Variants in HNRNPD observed in about 807,000 individuals in gnomAD.
The protein encoded by HNRNPD is heterogeneous nuclear ribonucleoprotein D0.
A neutral mutation model predicts 47.9 loss-of-function variants in HNRNPD; 3 were observed. The ratio of observed to expected loss-of-function variants is 0.06; its 90% CI spans 0.03 to 0.16. The LOEUF is 0.16. Among genes scored for constraint, HNRNPD ranks in the 10% least tolerant of loss-of-function variants. The pLI, the probability that HNRNPD is intolerant of heterozygous loss-of-function variation, is 1.00. For synonymous variants in HNRNPD, 171 were observed against 165.1 expected (o/e 1.04, Z -0.28); for missense variants, 287 against 454.2 (o/e 0.63, Z 3.35).
chr4:82,365,265 C>G (rs1264981659), intron 2 of HNRNPD, among the ~76,000 whole-genome samples: 2 of 152,076 alleles, frequency 1.3e-5, no homozygotes, highest in East Asian at 3.9e-4. Flanking sequence ...TTAAAAAATA[C>G]AACAGAATGT....
intron 2 of HNRNPD, among the ~76,000 whole-genome samples, chr4:82,365,685 A>G (rs940123537): frequency 6.6e-6 from 1 of 151,186 alleles, no homozygotes; most frequent in African/African-American, 2.4e-5. Context: ...GCTCACTTCA[A>G]CCTCTGCCTC....
Position 82,357,436 on chromosome 4 carries a change from G to C in HNRNPD, c.630C>G (p.Ser210=). The change falls in exon 5 of 9, where the codon TCC becomes TCG. Residue 210 remains serine, a synonymous_variant. Coordinates refer to ENST00000313899, the MANE Select transcript of HNRNPD (RefSeq NM_031370.3). The stretch of plus-strand genomic sequence containing the variant: ...TCTTGTTGTCCATGGGGAGCTCTAT[G>C]GATTCCACCTGGTATTAAAAAACAA... ...EYFGGFGEVE[S]IELPMDNKTN... 6.2e-7 allele frequency: 1 copy of C among 1,601,240 alleles called. No individual in the cohort carries two copies. Among genetic ancestry groups the C allele is most frequent in the Non-Finnish European group, 8.5e-7 (1 of 1,176,714 alleles).
At chr4:82,369,575 C>CTA (rs1719931523) in intron 2 of HNRNPD, among the ~76,000 whole-genome samples, 3 of 151,324 alleles carry the variant, frequency 2.0e-5, no homozygotes, top group Non-Finnish European at 4.4e-5. Context: ...AATTTGGATA[C>CTA]TCTATTAACC....
chr4:82,365,719 C>CTACCCAAGT (rs2109998126), intron 2 of HNRNPD, among the ~76,000 whole-genome samples: 1 of 151,710 alleles, frequency 6.6e-6, no homozygotes, highest in African/African-American at 2.4e-5. Flanking sequence ...ATCTTCCCAT[C>CTACCCAAGT]TCAAGCTCCT....
chr4:82,373,282 G>T (rs1720178599), intron 1 of HNRNPD, 164 bp downstream of exon 1: 2 of 927,374 alleles, frequency 2.2e-6, no homozygotes, highest in South Asian at 3.1e-5. Context: ...AGAAGGAAAT[G>T]AAGGTCCGGG....
rs927686451 is a variant in HNRNPD, at chr4:82,353,197, A to C, written c.*988T>G. ...GACTCTTCAGTTTCACTTTCTTAAG[A>C]GTGACTCAAAAAGTTCCTTAGGCAC... On this transcript the variant is annotated 3_prime_UTR_variant, in exon 9 of 9. Transcript: ENST00000313899. The C allele has an allele frequency of 1.3e-5, 2 of 152,218 alleles. No individual in the cohort carries two copies. The highest frequency in any genetic ancestry group is 2.9e-5 in the Non-Finnish European group (2 of 68,028). 9.4% of individuals were successfully genotyped at this position (152,218 alleles called of 1,614,324 possible).
intron 2 of HNRNPD, among the ~76,000 whole-genome samples, chr4:82,361,491 A>G (rs2109993751): frequency 6.6e-6 from 1 of 152,326 alleles, no homozygotes; most frequent in African/African-American, 2.4e-5. Flanking sequence ...AATAACTAAC[A>G]AACTTTGAAA....
intron 2 of HNRNPD, among the ~76,000 whole-genome samples, chr4:82,368,220 C>T (rs11722069): frequency 0.034 from 5,142 of 152,264 alleles, 127 homozygotes; most frequent in Middle Eastern, 0.065. Context: ...AAACTAATCA[C>T]ATCCTTCACG....
rs1578052539 is a variant in HNRNPD, at chr4:82,364,463, A to G, written c.291-4824T>C. Among the ~76,000 whole-genome samples, 5 of 152,354 alleles carry G rather than the reference A, an allele frequency of 3.3e-5. No homozygotes were observed. In the East Asian group the frequency reaches 9.6e-4, roughly 29 times the overall value. ...CTATTTTGAAGGGGTAAAGCACTAT[A>G]AGCACTATCTAAACATAATTTAATA... is the stretch of plus-strand genomic sequence containing the variant. On this transcript the variant is annotated intron_variant, in intron 2 of 8. Transcript: ENST00000313899.
At chr4:82,373,043 T>C (rs1720147278) in intron 1 of HNRNPD, 2 of 443,606 alleles carry the variant, frequency 4.5e-6, no homozygotes, top group Non-Finnish European at 8.9e-6. Context: ...AGAGAAGCTG[T>C]TTGTGTCTGT....
At chr4:82,355,425 C>T (rs775588162) in intron 7 of HNRNPD, 24 bp from the exon 8 acceptor site, 2 of 1,564,192 alleles carry the variant, frequency 1.3e-6, no homozygotes, top group South Asian at 2.2e-5. Context: ...AGTGTTAGAA[C>T]CAGAACGGTA....
intron 4 of HNRNPD, 194 bp from the exon 5 acceptor site, chr4:82,357,638 C>CT: frequency 2.3e-6 from 1 of 428,020 alleles, no homozygotes; most frequent in Non-Finnish European, 4.1e-6. Flanking sequence ...CATCTAAGGT[C>CT]TTCACAACTA....
In HNRNPD at chr4:82,356,628, G is replaced by T. The variant is rs1450339677; in HGVS notation, c.909C>A (p.Gly303=). 6.2e-7 allele frequency: 1 copy of T among 1,612,256 alleles called. No individual in the cohort carries two copies. Among genetic ancestry groups the T allele is most frequent in the Non-Finnish European group, 8.5e-7 (1 of 1,179,842 alleles). The change falls in exon 7 of 9, where the codon GGC becomes GGA. Residue 303 remains glycine, a synonymous_variant. Coordinates refer to ENST00000313899, the MANE Select transcript of HNRNPD (RefSeq NM_031370.3). ...AACCTTGGCTGTTATATCCATAGTT[G>T]CCATAGCCTTGATTCCAATAGTTAC... ...GYSNYWNQGY[G]NYGYNSQGYG...
Position 82,373,882 on chromosome 4 carries a change from A to G in HNRNPD, c.-204T>C. ...TTCGCCTCCCACTCTCGCGCGGCGC[A>G]CACTCCCGCTCTCTCCCGCTGCACT... is the stretch of plus-strand genomic sequence containing the variant. On this transcript the variant is annotated 5_prime_UTR_variant, in exon 1 of 9. Coordinates refer to ENST00000313899, the MANE Select transcript of HNRNPD (RefSeq NM_031370.3). 2 of 1,209,956 alleles carry G rather than the reference A, an allele frequency of 1.7e-6. No individual in the cohort carries two copies. Among genetic ancestry groups the G allele is most frequent in the Non-Finnish European group, 2.2e-6 (2 of 903,668 alleles). The allele number at this position is 1,209,956 out of a possible 1,614,324, so 75.0% of individuals were successfully genotyped here.
chr4:82,356,366 T>A, intron 7 of HNRNPD, 171 bp downstream of exon 7: 1 of 589,822 alleles, frequency 1.7e-6, no homozygotes, highest in Non-Finnish European at 3.0e-6. Flanking sequence ...AATGTGTGTG[T>A]GATATAGGCT....
intron 1 of HNRNPD, among the ~76,000 whole-genome samples, chr4:82,372,155 G>GAC (rs368542882): frequency 5.3e-5 from 8 of 151,118 alleles, no homozygotes; most frequent in East Asian, 1.9e-4. Flanking sequence ...AAAAAATTCA[G>GAC]ACACACACAC....
chr4:82,356,416 T>A lies in HNRNPD; in HGVS notation c.1000+121A>T, dbSNP rs1477534740. ...AATAAAATGGCTGCAGTTTCAAGTT[T>A]CCAGGAATTTGAAACCTGAAGACAT... On this transcript the variant is annotated intron_variant, in intron 7 of 8. Transcript: ENST00000313899. 6.7e-6 allele frequency: 5 copies of A among 743,122 alleles called. No individual in the cohort carries two copies. In the East Asian group the frequency reaches 1.3e-4, roughly 20 times the overall value. 46.0% of individuals were successfully genotyped at this position (743,122 alleles called of 1,614,324 possible). A position where few individuals can be genotyped will look rare whatever the true frequency, so the allele number is the denominator to read the frequency against.
chr4:82,355,556 C>G, intron 7 of HNRNPD, 155 bp from the exon 8 acceptor site: 2 of 623,620 alleles, frequency 3.2e-6, no homozygotes, highest in Admixed American at 2.9e-5. Flanking sequence ...AATAATTTAC[C>G]AAATATGTAG....
At chr4:82,371,079 A>T (rs1038317678) in intron 2 of HNRNPD, among the ~76,000 whole-genome samples, 1 of 152,188 alleles carries the variant, frequency 6.6e-6, no homozygotes, top group Non-Finnish European at 1.5e-5. Context: ...AGTGCTGCTT[A>T]AAGAACTGCT....
Sources: gnomAD v4.1 joint callset for allele counts (sites outside exome capture counted in the v4.1 genomes callset) on GRCh38, gnomAD v4.1.1 for gene constraint, MANE v1.5 for transcripts, NCBI Gene and HGNC (gene_info 2026-07-23, HGNC 2026-07-21) for gene names.